KIF23: variants seen among roughly 807,000 people sequenced by gnomAD.
The protein encoded by KIF23 is kinesin-like protein KIF23.
Under a neutral mutation model 137.5 loss-of-function variants are expected in KIF23, and 30 were observed. That is an observed-to-expected ratio of 0.22 (90% CI 0.16 to 0.30). KIF23 has a LOEUF of 0.30. Ranked by LOEUF, KIF23 falls within the 10% of genes least tolerant of loss-of-function variation. The pLI, the probability that KIF23 is intolerant of heterozygous loss-of-function variation, is 1.00. For missense variants in KIF23, 920 were observed against 1,194.3 expected (o/e 0.77, Z 3.38); for synonymous variants, 367 against 391.1 (o/e 0.94, Z 0.73).
chr15:69,439,370 G>A (rs372972498), intron 16 of KIF23, among the ~76,000 whole-genome samples: 3 of 151,706 alleles, frequency 2.0e-5, no homozygotes, highest in African/African-American at 4.8e-5. Context: ...TGCCAGCATC[G>A]GGCCTTGGAC....
chr15:69,446,988 C>T (rs887696593), intron 23 of KIF23, 47 bp downstream of exon 23: 1 of 1,476,310 alleles, frequency 6.8e-7, no homozygotes, highest in African/African-American at 1.4e-5. Flanking sequence ...TTTTTTCCTC[C>T]TCTGGTCTTT....
intron 15 of KIF23, 38 bp downstream of exon 15, chr15:69,436,760 A>ATT: frequency 1.1e-4 from 122 of 1,078,864 alleles, no homozygotes; most frequent in South Asian, 1.7e-4. Flanking sequence ...TTATTTAATT[A>ATT]TTTTTTTTTT....
Position 69,444,502 on chromosome 15 carries a change from T to G in KIF23, c.2422-288T>G, listed in dbSNP as rs2057700996. 3.2e-6 allele frequency: 1 copy of G among 315,900 alleles called. No individual in the cohort carries two copies. The highest frequency in any genetic ancestry group is 5.8e-6 in the Non-Finnish European group (1 of 171,602). The allele number at this position is 315,900 out of a possible 1,614,324, so 19.6% of individuals were successfully genotyped here. On this transcript the variant is annotated intron_variant, in intron 19 of 23. Coordinates refer to ENST00000679126, the MANE Select transcript of KIF23 (RefSeq NM_001367805.3). This position sits in a 1 kb window ranked among gnomAD's most constrained non-coding sequence, Gnocchi z 4.2. ...TTGATCAAGAATATGAAATGAGTTG[T>G]TTGTCCTGAACCACCCCCAAGCAGG...
rs184518011 is a variant in KIF23 at position 69,423,010 on chromosome 15, G to C, written c.564-149G>C. On this transcript the variant is annotated intron_variant, in intron 6 of 23. Transcript: ENST00000679126. ...GACGGGGTTTCACCATGTTGGCCAG[G>C]CTGGTCTTGAGTTCCTGATCTCAGG... is the stretch of plus-strand genomic sequence containing the variant. The C allele has an allele frequency of 6.1e-4, 346 of 563,178 alleles. 3 individuals carry two copies. The East Asian group carries it at 0.011, about 17-fold the overall frequency. 34.9% of individuals were successfully genotyped at this position (563,178 alleles called of 1,614,324 possible).
chr15:69,422,290 C>T (rs368234501), intron 5 of KIF23, 36 bp from the exon 6 acceptor site: 26 of 1,438,668 alleles, frequency 1.8e-5, no homozygotes, highest in Admixed American at 8.2e-5. Context: ...TTCTAAAAAA[C>T]GTGGTGTGAT....
At position 69,448,246 on chromosome 15, in the gene KIF23, T is replaced by A; in HGVS notation, c.*439T>A. On this transcript the variant is annotated 3_prime_UTR_variant, in exon 24 of 24. Coordinates refer to ENST00000679126, the MANE Select transcript of KIF23 (RefSeq NM_001367805.3). ...AAGGTTTTATAAACAAATGCTGCTA[T>A]TTATTAGCTGCAAGAATGCACTTTA... The A allele has an allele frequency of 6.5e-6, 1 of 153,062 alleles. No homozygotes were observed. The highest frequency in any genetic ancestry group is 1.9e-4 in the East Asian group (1 of 5,234). The allele number at this position is 153,062 out of a possible 1,614,324, so 9.5% of individuals were successfully genotyped here.
intron 21 of KIF23, 71 bp from the exon 22 acceptor site, chr15:69,446,212 C>T: frequency 1.4e-6 from 2 of 1,439,716 alleles, no homozygotes. Context: ...AGATAGTATT[C>T]CCCTACTTCT....
At chr15:69,445,862 T>G in intron 20 of KIF23, 147 bp from the exon 21 acceptor site, 1 of 626,920 alleles carries the variant, frequency 1.6e-6, no homozygotes, top group Non-Finnish European at 2.8e-6. Flanking sequence ...ATTTTGATAG[T>G]ACGTACTCAG....
chr15:69,426,045 C>G (rs751683956), intron 8 of KIF23, 25 bp from the exon 9 acceptor site: 3 of 1,440,354 alleles, frequency 2.1e-6, no homozygotes, highest in Non-Finnish European at 2.8e-6. Context: ...ATTTAGGAGA[C>G]TAATCTTTTT....
rs759632566 is a variant in KIF23 at position 69,438,335 on chromosome 15, A to G, written c.1685A>G (p.Glu562Gly). 9 of 1,613,472 alleles carry G rather than the reference A, an allele frequency of 5.6e-6. No individual in the cohort carries two copies. Among genetic ancestry groups the G allele is most frequent in the Non-Finnish European group, 7.6e-6 (9 of 1,179,802 alleles). Reference sequence around the variant, plus strand: ...ATGCAAGGGAAACTAAATGAAAAGGAGAAGATGATCTCAGGACAGAAATTG... The same window carrying G: ...ATGCAAGGGAAACTAAATGAAAAGGGGAAGATGATCTCAGGACAGAAATTG... ...NHMQGKLNEKEKMISGQKLEI... is the reference protein window; with the variant it reads ...NHMQGKLNEKGKMISGQKLEI... Residue 562 changes from glutamate to glycine, a missense_variant, in exon 16 of 24, where the codon GAG becomes GGG. This residue lies in a region of KIF23 where 714 missense variants were observed against 866.2 expected (regional missense o/e 0.82). Transcript: ENST00000679126.
At chr15:69,442,134 T>C (rs1215004086) in intron 19 of KIF23, among the ~76,000 whole-genome samples, 1 of 152,186 alleles carries the variant, frequency 6.6e-6, no homozygotes, top group Non-Finnish European at 1.5e-5. Flanking sequence ...TCTCTTTTAA[T>C]ATAAAATAGT....
At chr15:69,420,173 A>G (rs915367066) in intron 3 of KIF23, among the ~76,000 whole-genome samples, 1 of 152,188 alleles carries the variant, frequency 6.6e-6, no homozygotes, top group African/African-American at 2.4e-5. Flanking sequence ...CTGAGGCAGG[A>G]GTATTGCTTG....
Position 69,439,958 on chromosome 15 carries a change from C to T in KIF23, c.1810C>T (p.Gln604Ter). 1 of 1,613,830 alleles carries T rather than the reference C, an allele frequency of 6.2e-7. No homozygotes were observed. Among genetic ancestry groups the T allele is most frequent in the Non-Finnish European group, 8.5e-7 (1 of 1,179,902 alleles). ...CTATGAGGAAGATAAACGCAATTTG[C>T]AACAGGAACTTGAAACTCAGAACCA... ...TIYEEDKRNL[Q>*]QELETQNQKL... Residue 604 changes from glutamine (Q) to a stop codon, truncating the protein, a stop_gained, in exon 17 of 24, where the codon CAA becomes TAA. Coordinates refer to ENST00000679126, the MANE Select transcript of KIF23 (RefSeq NM_001367805.3). LOFTEE classifies it high-confidence loss of function.
rs1400468949 is a variant in KIF23 at position 69,444,098 on chromosome 15, A to G, written c.2422-692A>G. 2 of 152,122 alleles carry G rather than the reference A, an allele frequency of 1.3e-5. No individual in the cohort carries two copies. The highest frequency in any genetic ancestry group is 4.8e-5 in the African/African-American group (2 of 41,412). 9.4% of individuals were successfully genotyped at this position (152,122 alleles called of 1,614,324 possible). On this transcript the variant is annotated intron_variant, in intron 19 of 23. Transcript: ENST00000679126. This position sits in a 1 kb window ranked among gnomAD's most constrained non-coding sequence, Gnocchi z 4.2. Reference sequence around the variant, plus strand: ...GTGCTGATTACAGGCATGTACCACCATGCCTGGCCTAGCAACTAGTCTTTT... The same window carrying G: ...GTGCTGATTACAGGCATGTACCACCGTGCCTGGCCTAGCAACTAGTCTTTT...
At chr15:69,419,876 ATAGGTATCGAG>A (rs964573820) in intron 3 of KIF23, among the ~76,000 whole-genome samples, 20 of 152,210 alleles carry the variant, frequency 1.3e-4, no homozygotes, top group African/African-American at 2.2e-4. Context: ...ATGTATAAAT[ATAGGTATCGAG>A]TAGGTATCGA....
At chr15:69,415,878 A>G in intron 1 of KIF23, 116 bp from the exon 2 acceptor site, 1 of 709,648 alleles carries the variant, frequency 1.4e-6, no homozygotes, top group South Asian at 2.0e-5. Flanking sequence ...GTGTTTTGCA[A>G]CTGCTAAGGG....
chr15:69,416,069 G>C lies in KIF23; in HGVS notation c.81+6G>C. ...ACCTTAAAGACCCAGTTGGGGTAAGGTATCCCTGTAAATTTATGTGTGGTG... is the reference window on the plus strand; with the variant it reads ...ACCTTAAAGACCCAGTTGGGGTAAGCTATCCCTGTAAATTTATGTGTGGTG... On this transcript the variant is annotated splice_donor_region_variant and intron_variant, in intron 2 of 23. Coordinates refer to ENST00000679126, the MANE Select transcript of KIF23 (RefSeq NM_001367805.3). 1 of 1,555,664 alleles carries C rather than the reference G, an allele frequency of 6.4e-7. No individual in the cohort carries two copies. The highest frequency in any genetic ancestry group is 8.6e-7 in the Non-Finnish European group (1 of 1,159,088).
Position 69,422,067 on chromosome 15 carries a change from T to C in KIF23, c.392T>C (p.Leu131Pro). 6.2e-7 allele frequency: 1 copy of C among 1,614,184 alleles called. No homozygotes were observed. The highest frequency in any genetic ancestry group is 1.1e-5 in the South Asian group (1 of 91,084). Reference protein sequence around the residue: ...TMTGSPGEGGLLPRCLDMIFN... With the variant: ...TMTGSPGEGGPLPRCLDMIFN... ...ACTGGTTCTCCAGGGGAAGGAGGGC[T>C]GCTTCCTCGTTGTTTGGACATGATC... Residue 131 changes from leucine (L) to proline (P), a missense_variant, in exon 5 of 24, where the codon CTG (leucine) becomes CCG (proline). Physicochemically the swap from Leu to Pro is moderately conservative, Grantham distance 98. Transcript: ENST00000679126.
intron 7 of KIF23, among the ~76,000 whole-genome samples, chr15:69,423,548 A>G (rs2057115030): frequency 6.6e-6 from 1 of 152,204 alleles, no homozygotes; most frequent in South Asian, 2.1e-4. Flanking sequence ...AAAGCATCTA[A>G]GGAGAAGAGG....
Sources: allele counts gnomAD v4.1 joint callset (sites outside exome capture counted in the v4.1 genomes callset), GRCh38; gene constraint gnomAD v4.1.1; regional missense constraint gnomAD v4.1.1; non-coding constraint Gnocchi (gnomAD v3.1); transcripts MANE v1.5; gene names NCBI Gene and HGNC (gene_info 2026-07-23, HGNC 2026-07-21).